The following TAF5L variants were observed in gnomAD, a reference collection of about 807,000 sequenced individuals.
TAF5L encodes TAF5-like RNA polymerase II p300/CBP-associated factor-associated factor 65 kDa subunit 5L.
TAF5L carries 7 observed loss-of-function variants against 51.3 expected under a neutral mutation model. The observed-to-expected ratio is 0.14, with a 90% confidence interval of 0.08 to 0.26. The LOEUF (loss-of-function observed/expected upper bound fraction) is 0.26. Ranked by LOEUF, TAF5L falls within the 10% of genes least tolerant of loss-of-function variation. The pLI is 1.00. For missense variants in TAF5L, 575 were observed against 758.9 expected, an observed-to-expected ratio of 0.76 and a Z score of 2.85; for synonymous variants, 291 against 308.1, an observed-to-expected ratio of 0.94 and a Z score of 0.58.
chr1:229,621,196 A>G (rs1665189752), intron 1 of TAF5L, among the ~76,000 whole-genome samples: 2 of 152,258 alleles, frequency 1.3e-5, no homozygotes, highest in Admixed American at 1.3e-4. Flanking sequence ...TAAGTGGCCA[A>G]TGATTACTGT....
In TAF5L at chr1:229,606,867, T is replaced by C. The variant is rs891677742; in HGVS notation, c.247+3239A>G. The C allele has an allele frequency of 9.1e-6, 9 of 985,340 alleles. No homozygotes were observed. In the African/African-American group the frequency reaches 1.4e-4, roughly 15 times the overall value. 61.0% of individuals were successfully genotyped at this position (985,340 alleles called of 1,614,324 possible). A position where few individuals can be genotyped will look rare whatever the true frequency, so the allele number is the denominator to read the frequency against. ...AGGTGAGCTCACAGAATCTCTCATC[T>C]ACAGACAACCTGTGGAGGAAAAATA... On this transcript the variant is annotated intron_variant, in intron 3 of 4. Coordinates refer to ENST00000258281, the Ensembl canonical transcript of TAF5L.
In TAF5L at chr1:229,625,091, C is replaced by T. The variant is rs548288442; in HGVS notation, c.-4+794G>A. Among the ~76,000 whole-genome samples, 60 of 152,318 alleles carry T rather than the reference C, an allele frequency of 3.9e-4. No individual in the cohort carries two copies. Among genetic ancestry groups the T allele is most frequent in the Non-Finnish European group, 8.1e-4 (55 of 68,034 alleles). ...CCAGAACCACAAAGACTGCGAGATC[C>T]GCATTACAACGACTTTCACAACTGA... On this transcript the variant is annotated intron_variant, in intron 1 of 4. Transcript: ENST00000258281. The surrounding 1 kb of genome is among the most constrained non-coding windows in gnomAD (Gnocchi z 4.0).
At chr1:229,608,997 G>A (rs769755551) in intron 3 of TAF5L, among the ~76,000 whole-genome samples, 1 of 152,038 alleles carries the variant, frequency 6.6e-6, no homozygotes. Flanking sequence ...GAACAATACC[G>A]TCTCAAAAAA....
Position 229,594,902 on chromosome 1 carries a change from C to T in TAF5L, c.1165G>A (p.Asp389Asn). The T allele has an allele frequency of 1.2e-6, 2 of 1,614,156 alleles. No individual in the cohort carries two copies. Among genetic ancestry groups the T allele is most frequent in the Non-Finnish European group, 1.7e-6 (2 of 1,180,024 alleles). Residue 389 changes from aspartate to asparagine, a missense_variant, in exon 5 of 5, where the codon GAT becomes AAT. Asp to Asn is a conservative substitution (Grantham distance 23, BLOSUM62 1). Transcript: ENST00000258281. This position sits in a 1 kb window ranked among gnomAD's most constrained non-coding sequence, Gnocchi z 7.9. ...AGGCTATATGGACTGATGTCCAGAT[C>T]CCACACAGGATAGGCATGTCCTTGG...
intron 3 of TAF5L, chr1:229,606,070 A>T (rs905412777): frequency 2.2e-6 from 2 of 910,772 alleles, no homozygotes; most frequent in African/African-American, 3.6e-5. Flanking sequence ...GTAAGTTTAG[A>T]AAAAAACCTA....
At chr1:229,605,110 A>G (rs200849102) in intron 3 of TAF5L, among the ~76,000 whole-genome samples, 160 of 62,854 alleles carry the variant, frequency 2.5e-3, no homozygotes, top group East Asian at 0.023. Flanking sequence ...TTTTGTATGT[A>G]TATATATATA....
At chr1:229,599,620 T>G (rs1332845316) in intron 4 of TAF5L, 4 of 193,084 alleles carry the variant, frequency 2.1e-5, no homozygotes, top group African/African-American at 9.5e-5. Flanking sequence ...GTGCTTCATT[T>G]CTTTTTATGG....
At chr1:229,598,826 G>A (rs1033087938) in intron 4 of TAF5L, among the ~76,000 whole-genome samples, 2 of 151,822 alleles carry the variant, frequency 1.3e-5, no homozygotes, top group Non-Finnish European at 2.9e-5. Flanking sequence ...AGCCTCCTGA[G>A]TTGCTGGGAT....
At chr1:229,593,826 C>T (rs1017115297) in exon 5 of TAF5L, 2 of 152,254 alleles carry the variant, frequency 1.3e-5, no homozygotes, top group African/African-American at 4.8e-5. Flanking sequence ...GACTATTTGC[C>T]AGGATCATGC....
At chr1:229,611,468 C>T in intron 2 of TAF5L, among the ~76,000 whole-genome samples, 1 of 152,052 alleles carries the variant, frequency 6.6e-6, no homozygotes, top group East Asian at 1.9e-4. Flanking sequence ...GGCGCCATAA[C>T]AGGAAATACG....
chr1:229,614,461 G>T, exon 2 of TAF5L: 1 of 1,614,186 alleles, frequency 6.2e-7, no homozygotes. Context: ...ATCTGAATCT[G>T]CTCGGTACGC....
intron 4 of TAF5L, among the ~76,000 whole-genome samples, chr1:229,595,736 G>A (rs2102735411): frequency 6.6e-6 from 1 of 152,170 alleles, no homozygotes; most frequent in Non-Finnish European, 1.5e-5. Flanking sequence ...TGTGATCTCG[G>A]CTCACCACAA....
At chr1:229,596,872 CT>C (rs961067212) in intron 4 of TAF5L, among the ~76,000 whole-genome samples, 1 of 151,834 alleles carries the variant, frequency 6.6e-6, no homozygotes, top group East Asian at 1.9e-4. Flanking sequence ...AAAAGGGCAC[CT>C]TTTTTTTCTA....
chr1:229,604,882 A>G (rs1664524320), intron 3 of TAF5L, among the ~76,000 whole-genome samples: 1 of 152,168 alleles, frequency 6.6e-6, no homozygotes, highest in African/African-American at 2.4e-5. Context: ...GATATATAAA[A>G]AGAAAATATC....
At position 229,623,681 on chromosome 1, in the gene TAF5L, AC is replaced by A. The variant is rs1665309106; in HGVS notation, c.-4+2203del. Among the ~76,000 whole-genome samples the A allele has an allele frequency of 3.3e-5, 5 of 152,362 alleles. No individual in the cohort carries two copies. The South Asian group carries it at 1.0e-3, about 32-fold the overall frequency. On this transcript the variant is annotated intron_variant, in intron 1 of 4. Coordinates refer to ENST00000258281, the Ensembl canonical transcript of TAF5L. ...GAATACTTAACACTGAGCATACTCG[AC>A]GCTAAGACACTTAAAGCATTTAAAA...
At chr1:229,610,280 G>T in intron 2 of TAF5L, 70 bp from the exon 3 acceptor site, 1 of 1,412,270 alleles carries the variant, frequency 7.1e-7, no homozygotes, top group African/African-American at 1.4e-5. Context: ...TACGTGGCAG[G>T]ATGGGTGAAG....
At position 229,614,355 on chromosome 1, in the gene TAF5L, G is replaced by C. The variant is rs200127796; in HGVS notation, c.128C>G (p.Ala43Gly). Residue 43 changes from alanine (A) to glycine (G), a missense_variant, in exon 2 of 5, where the codon GCG becomes GGG. Ala to Gly is a moderately conservative substitution (Grantham distance 60). Around this residue, in one of 3 missense-constraint regions of TAF5L, gnomAD observed 380 missense variants for 443.7 expected, o/e 0.86. Coordinates refer to ENST00000258281, the Ensembl canonical transcript of TAF5L. ...CCCACCATTACCTGTTAGATTGGCC[G>C]CCATCTCTTCAGCAGTCTGTGACAG... The C allele has an allele frequency of 1.9e-6, 3 of 1,614,210 alleles. No homozygotes were observed. In the East Asian group the frequency reaches 6.7e-5, roughly 36 times the overall value.
At chr1:229,621,264 C>T (rs1665192217) in intron 1 of TAF5L, among the ~76,000 whole-genome samples, 2 of 152,194 alleles carry the variant, frequency 1.3e-5, no homozygotes, top group Admixed American at 1.3e-4. Context: ...GCATCAGCAT[C>T]TTGGCTTAAA....
intron 1 of TAF5L, among the ~76,000 whole-genome samples, chr1:229,624,392 G>T (rs2102770356): frequency 6.6e-6 from 1 of 152,310 alleles, no homozygotes; most frequent in East Asian, 1.9e-4. Flanking sequence ...TAAAAAATTA[G>T]CATATATTCC....
Sources: allele counts gnomAD v4.1 joint callset (sites outside exome capture counted in the v4.1 genomes callset), GRCh38; gene constraint gnomAD v4.1.1; regional missense constraint gnomAD v4.1.1; non-coding constraint Gnocchi (gnomAD v3.1); transcripts MANE v1.5; gene names NCBI Gene and HGNC (gene_info 2026-07-23, HGNC 2026-07-21).